LHFPL2: variants seen among roughly 807,000 people sequenced by gnomAD.
LHFPL2 encodes the protein LHFPL tetraspan subfamily member 2 protein.
Under a neutral mutation model 17.5 loss-of-function variants are expected in LHFPL2, and 7 were observed. The ratio of observed to expected loss-of-function variants is 0.40; its 90% CI spans 0.23 to 0.75. The LOEUF is 0.75. Among genes scored for constraint, LHFPL2 ranks in the 30% least tolerant of loss-of-function variants. The pLI, the probability that LHFPL2 is intolerant of heterozygous loss-of-function variation, is 0.37. For synonymous variants in LHFPL2, 134 were observed against 116.2 expected, an observed-to-expected ratio of 1.15 and a Z score of -0.99; for missense variants, 241 against 294.8, an observed-to-expected ratio of 0.82 and a Z score of 1.34.
At chr5:78,566,748 G>GCGC (rs1756869882) in intron 2 of LHFPL2, among the ~76,000 whole-genome samples, 1 of 152,228 alleles carries the variant, frequency 6.6e-6, no homozygotes, top group South Asian at 2.1e-4. Context: ...GTGAGCCACT[G>GCGC]CGCCCGGCGA....
chr5:78,488,205 A>G lies in LHFPL2; in HGVS notation c.*692T>C, dbSNP rs1754315744. 2.0e-5 allele frequency: 3 copies of G among 152,246 alleles called. No individual in the cohort carries two copies. 9.4% of individuals were successfully genotyped at this position (152,246 alleles called of 1,614,324 possible). On this transcript the variant is annotated 3_prime_UTR_variant, in exon 5 of 5. Transcript: ENST00000380345. The stretch of plus-strand genomic sequence containing the variant: ...TACGTCTTCACTAGCAAGATTTCAT[A>G]TTTTTGTTCTCATATGATTGTATAG...
In LHFPL2 at chr5:78,613,961, C is replaced by A. The variant is rs1250850755; in HGVS notation, c.-245+18303G>T. Among the ~76,000 whole-genome samples the A allele has an allele frequency of 2.6e-5, 4 of 152,188 alleles. No individual in the cohort carries two copies. In the East Asian group the frequency reaches 7.7e-4, roughly 29 times the overall value. Reference sequence around the variant, plus strand: ...CTGTAAGAGAGCCCTGGTCAACATACTCCCTGGGGCTTAGGACACCCTAAG... The same window carrying A: ...CTGTAAGAGAGCCCTGGTCAACATAATCCCTGGGGCTTAGGACACCCTAAG... On this transcript the variant is annotated intron_variant, in intron 2 of 4. Coordinates refer to ENST00000380345, the MANE Select transcript of LHFPL2 (RefSeq NM_005779.3).
At position 78,485,307 on chromosome 5, in the gene LHFPL2, C is replaced by T. The variant is rs1305835436; in HGVS notation, c.*3590G>A. ...AAATACATATGCACAGGAACCAAATCAATGCTAGACAATGTATTAGTTTAC... is the reference window on the plus strand; with the variant it reads ...AAATACATATGCACAGGAACCAAATTAATGCTAGACAATGTATTAGTTTAC... On this transcript the variant is annotated 3_prime_UTR_variant, in exon 5 of 5. Transcript: ENST00000380345. The T allele has an allele frequency of 2.6e-5, 4 of 152,236 alleles. No homozygotes were observed. The highest frequency in any genetic ancestry group is 5.9e-5 in the Non-Finnish European group (4 of 67,990). The allele number at this position is 152,236 out of a possible 1,614,324, so 9.4% of individuals were successfully genotyped here.
chr5:78,536,486 C>T (rs1206520493), intron 3 of LHFPL2, among the ~76,000 whole-genome samples: 1 of 152,242 alleles, frequency 6.6e-6, no homozygotes, highest in Non-Finnish European at 1.5e-5. Flanking sequence ...GAACTCTGGC[C>T]TCTCAGGGAA....
chr5:78,634,166 T>C (rs1745347283), intron 1 of LHFPL2, among the ~76,000 whole-genome samples: 1 of 152,206 alleles, frequency 6.6e-6, no homozygotes, highest in South Asian at 2.1e-4. Flanking sequence ...CTCACATTCT[T>C]GTTTGTGTTT....
Position 78,510,303 on chromosome 5 carries a change from G to A in LHFPL2, c.-90C>T, listed in dbSNP as rs890731210. 5.5e-5 allele frequency: 71 copies of A among 1,284,480 alleles called. No individual in the cohort carries two copies. In the East Asian group the frequency reaches 1.6e-3, roughly 30 times the overall value. The allele number at this position is 1,284,480 out of a possible 1,614,324, so 79.6% of individuals were successfully genotyped here. On this transcript the variant is annotated 5_prime_UTR_variant, in exon 4 of 5. Transcript: ENST00000380345. Reference sequence around the variant, plus strand: ...GGGGAAGGAGGCTCGGGCGGCCCGGGAAGGAAGTCGCAGCTGCAGTCATTC... The same window carrying A: ...GGGGAAGGAGGCTCGGGCGGCCCGGAAAGGAAGTCGCAGCTGCAGTCATTC...
intron 2 of LHFPL2, chr5:78,624,936 G>A (rs1744978785): frequency 1.3e-5 from 2 of 152,062 alleles, no homozygotes; most frequent in South Asian, 2.1e-4. Context: ...CCAAGTAGCT[G>A]GGATTACAGG....
At chr5:78,620,326 G>A (rs1384191403) in intron 2 of LHFPL2, among the ~76,000 whole-genome samples, 4 of 152,084 alleles carry the variant, frequency 2.6e-5, no homozygotes, top group Non-Finnish European at 5.9e-5. Context: ...GTCTGTTCAT[G>A]TCCTTCGCCC....
intron 4 of LHFPL2, among the ~76,000 whole-genome samples, chr5:78,495,560 T>C (rs1355668740): frequency 6.6e-6 from 1 of 151,946 alleles, no homozygotes; most frequent in Non-Finnish European, 1.5e-5. Flanking sequence ...CAAAGGAAAT[T>C]CTAAGAACAG....
rs186953434 is a variant in LHFPL2 at position 78,510,332 on chromosome 5, C to G, written c.-119G>C. 4.9e-6 allele frequency: 5 copies of G among 1,015,902 alleles called. No individual in the cohort carries two copies. In the Admixed American group the frequency reaches 1.4e-4, roughly 29 times the overall value. 62.9% of individuals were successfully genotyped at this position (1,015,902 alleles called of 1,614,324 possible). On this transcript the variant is annotated 5_prime_UTR_variant, in exon 4 of 5. Coordinates refer to ENST00000380345, the MANE Select transcript of LHFPL2 (RefSeq NM_005779.3). ...GAAGTCGCAGCTGCAGTCATTCACT[C>G]CCGCCGCCGGCCGCGTTCATGCTGG...
intron 4 of LHFPL2, among the ~76,000 whole-genome samples, 196 bp from the exon 5 acceptor site, chr5:78,489,349 T>C (rs964843762): frequency 2.0e-5 from 3 of 151,728 alleles, no homozygotes; most frequent in Non-Finnish European, 4.4e-5. Context: ...TTTCAGCCAC[T>C]TTTTTACATG....
chr5:78,541,857 G>A (rs1342870979), intron 3 of LHFPL2, among the ~76,000 whole-genome samples: 2 of 152,210 alleles, frequency 1.3e-5, no homozygotes, highest in East Asian at 3.8e-4. Flanking sequence ...GAGGGCAGCC[G>A]CTAGCTTGTG....
intron 3 of LHFPL2, among the ~76,000 whole-genome samples, chr5:78,545,148 T>C (rs895083229): frequency 1.3e-5 from 2 of 152,098 alleles, no homozygotes; most frequent in African/African-American, 4.8e-5. Flanking sequence ...TCACAGCCAT[T>C]TGGTCCAAAA....
chr5:78,631,250 T>A (rs1193682829), intron 2 of LHFPL2, among the ~76,000 whole-genome samples: 1 of 152,252 alleles, frequency 6.6e-6, no homozygotes, highest in Non-Finnish European at 1.5e-5. Flanking sequence ...TATGGTGGTC[T>A]GCATGCCAAT....
intron 2 of LHFPL2, among the ~76,000 whole-genome samples, chr5:78,575,063 A>AATTG: frequency 6.6e-6 from 1 of 152,254 alleles, no homozygotes; most frequent in East Asian, 1.9e-4. Flanking sequence ...ACTGCTTCCT[A>AATTG]ATCCTGTGTT....
chr5:78,611,426 G>C (rs1349755681), intron 2 of LHFPL2, among the ~76,000 whole-genome samples: 2 of 152,184 alleles, frequency 1.3e-5, no homozygotes, highest in Non-Finnish European at 2.9e-5. Flanking sequence ...AGGTTTCTGG[G>C]CTCCCTGCTC....
At chr5:78,578,785 A>G (rs1757200801) in intron 2 of LHFPL2, among the ~76,000 whole-genome samples, 1 of 152,196 alleles carries the variant, frequency 6.6e-6, no homozygotes, top group African/African-American at 2.4e-5. Context: ...AAGGTTTTTG[A>G]CAACATTCCA....
intron 4 of LHFPL2, among the ~76,000 whole-genome samples, chr5:78,489,825 G>A (rs1754377493): frequency 6.6e-6 from 1 of 152,220 alleles, no homozygotes; most frequent in Admixed American, 6.5e-5. Flanking sequence ...ATTTTTGGAT[G>A]CCTACGACTG....
At chr5:78,630,671 G>A (rs569121917) in intron 2 of LHFPL2, among the ~76,000 whole-genome samples, 1 of 152,196 alleles carries the variant, frequency 6.6e-6, no homozygotes, top group East Asian at 1.9e-4. Context: ...CTTTTACATG[G>A]CACTTACTGT....
Sources: gnomAD v4.1 joint callset for allele counts (sites outside exome capture counted in the v4.1 genomes callset) on GRCh38, gnomAD v4.1.1 for gene constraint, MANE v1.5 for transcripts, NCBI Gene and HGNC (gene_info 2026-07-23, HGNC 2026-07-21) for gene names.